Variants in TNPO3 observed in about 807,000 individuals in gnomAD.
The protein encoded by TNPO3 is transportin-3.
Under a neutral mutation model 122.8 loss-of-function variants are expected in TNPO3, and 65 were observed. That is an observed-to-expected ratio of 0.53 (90% CI 0.43 to 0.65). The LOEUF is 0.65. TNPO3 is among the 30% of genes least tolerant of loss of function. The pLI is 0.00. For missense variants in TNPO3, 850 were observed against 1,136.7 expected (o/e 0.75, Z 3.63); for synonymous variants, 372 against 411.2 (o/e 0.90, Z 1.15).
At position 128,992,080 on chromosome 7, in the gene TNPO3, G is replaced by A. The variant is rs1274683942; in HGVS notation, c.1277C>T (p.Thr426Ile). The change falls in exon 10 of 23, where the codon ACT becomes ATT. Residue 426 changes from threonine to isoleucine, a missense_variant. Thr to Ile is a moderately conservative substitution (Grantham distance 89, BLOSUM62 -1). Coordinates refer to ENST00000265388, the MANE Select transcript of TNPO3 (RefSeq NM_012470.4). ...SMECFAQLYS[T>I]LKEGNPPWEV... is the part of the protein sequence containing the mutation. Reference sequence around the variant, plus strand: ...CCAGGGTGGGTTGCCTTCTTTCAGAGTAGAATATAACTAGAGAAGAAGAGG... The same window carrying A: ...CCAGGGTGGGTTGCCTTCTTTCAGAATAGAATATAACTAGAGAAGAAGAGG... 1.3e-6 allele frequency: 2 copies of A among 1,596,984 alleles called. No individual in the cohort carries two copies. Among genetic ancestry groups the A allele is most frequent in the Non-Finnish European group, 1.7e-6 (2 of 1,169,034 alleles).
intron 1 of TNPO3, among the ~76,000 whole-genome samples, chr7:129,032,680 A>T (rs887800682): frequency 1.3e-5 from 2 of 152,244 alleles, no homozygotes; most frequent in Non-Finnish European, 2.9e-5. Flanking sequence ...TGAAAATTAC[A>T]AAACATTGCT....
chr7:129,028,665 C>A (rs1805551541), intron 1 of TNPO3, among the ~76,000 whole-genome samples: 1 of 152,200 alleles, frequency 6.6e-6, no homozygotes, highest in South Asian at 2.1e-4. Context: ...AAGTAAGGCA[C>A]TGACAGGCAC....
At chr7:129,035,050 G>A (rs974347666) in intron 1 of TNPO3, among the ~76,000 whole-genome samples, 31 of 151,988 alleles carry the variant, frequency 2.0e-4, no homozygotes, top group African/African-American at 4.8e-4. Flanking sequence ...AGAGGTGGGC[G>A]GATCATGAGG....
At chr7:129,029,911 C>T (rs1194427390) in intron 1 of TNPO3, 2 of 152,492 alleles carry the variant, frequency 1.3e-5, no homozygotes, top group African/African-American at 4.8e-5. Context: ...CCTGTAGTCC[C>T]AGCTACTCGG....
intron 1 of TNPO3, among the ~76,000 whole-genome samples, chr7:129,021,510 G>T (rs1388932869): frequency 2.0e-5 from 3 of 151,414 alleles, no homozygotes; most frequent in Non-Finnish European, 4.4e-5. Context: ...AAACTGCTAT[G>T]AAAAAAAACA....
chr7:128,968,808 T>A (rs995633703), intron 20 of TNPO3, among the ~76,000 whole-genome samples: 2 of 152,182 alleles, frequency 1.3e-5, no homozygotes, highest in African/African-American at 4.8e-5. Flanking sequence ...ACTCCTGGGC[T>A]TAAGCAATCC....
chr7:129,015,117 A>C lies in TNPO3; in HGVS notation c.414T>G (p.Thr138=). The change falls in exon 4 of 23, where the codon ACT becomes ACG. Residue 138 remains threonine, a synonymous_variant. Transcript: ENST00000265388. ...TLVEKYSNDV[T]SLPFLLEILT... Reference sequence around the variant, plus strand: ...GGATCTCCAGCAAAAAAGGCAAAGAAGTCACATCATTGCTGTATCTGCAAA... The same window carrying C: ...GGATCTCCAGCAAAAAAGGCAAAGACGTCACATCATTGCTGTATCTGCAAA... 6.2e-7 allele frequency: 1 copy of C among 1,610,994 alleles called. No homozygotes were observed. Among genetic ancestry groups the C allele is most frequent in the Non-Finnish European group, 8.5e-7 (1 of 1,179,398 alleles).
chr7:128,988,954 G>T (rs1483998108), intron 11 of TNPO3, among the ~76,000 whole-genome samples: 1 of 152,132 alleles, frequency 6.6e-6, no homozygotes, highest in Non-Finnish European at 1.5e-5. Context: ...GCATGCACTT[G>T]TAATCCCAGC....
intron 1 of TNPO3, among the ~76,000 whole-genome samples, chr7:129,045,548 C>CA (rs5887408): frequency 0.54 from 78,035 of 144,160 alleles, 21,387 homozygotes; most frequent in South Asian, 0.62. Flanking sequence ...TGTTTTGCCA[C>CA]AAAAAAAAAA....
chr7:129,037,389 A>G (rs1280907802), intron 1 of TNPO3, among the ~76,000 whole-genome samples: 5 of 152,220 alleles, frequency 3.3e-5, no homozygotes, highest in Non-Finnish European at 7.3e-5. Context: ...TGGCTCATCT[A>G]CGACAGGACA....
intron 1 of TNPO3, among the ~76,000 whole-genome samples, chr7:129,027,975 A>G (rs757459891): frequency 2.6e-5 from 4 of 152,238 alleles, no homozygotes; most frequent in Admixed American, 6.5e-5. Context: ...GACTGAAATC[A>G]TATAAAACAT....
chr7:128,974,971 A>G lies in TNPO3; in HGVS notation c.2179-9T>C. Reference sequence around the variant, plus strand: ...GTGGGGATGCACAGTGCCTAAAACAAAACAGTGATTTTAAAAGAAATGCTT... The same window carrying G: ...GTGGGGATGCACAGTGCCTAAAACAGAACAGTGATTTTAAAAGAAATGCTT... On this transcript the variant is annotated splice_polypyrimidine_tract_variant and intron_variant, in intron 17 of 22. Coordinates refer to ENST00000265388, the MANE Select transcript of TNPO3 (RefSeq NM_012470.4). 1 of 1,610,772 alleles carries G rather than the reference A, an allele frequency of 6.2e-7. No homozygotes were observed. Among genetic ancestry groups the G allele is most frequent in the East Asian group, 2.2e-5 (1 of 44,876 alleles).
Position 128,957,297 on chromosome 7 carries a change from T to G in TNPO3, c.2730A>C (p.Gln910His). The G allele has an allele frequency of 3.7e-6, 6 of 1,614,132 alleles. No individual in the cohort carries two copies. Among genetic ancestry groups the G allele is most frequent in the Non-Finnish European group, 5.1e-6 (6 of 1,179,986 alleles). ...KQVTSAEECK[Q>H]VCWALRDFTR... ...TGAAGTCTCGCAAGGCCCAGCAAAC[T>G]TGTTTACATTCCTCAGCACTAGAAA... Residue 910 changes from glutamine to histidine, a missense_variant, in exon 22 of 23, where the codon CAA becomes CAC. Physicochemically the swap from Gln to His is conservative, Grantham distance 24. Coordinates refer to ENST00000265388, the MANE Select transcript of TNPO3 (RefSeq NM_012470.4).
intron 10 of TNPO3, 59 bp from the exon 11 acceptor site, chr7:128,990,159 A>C: frequency 6.2e-7 from 1 of 1,602,138 alleles, no homozygotes; most frequent in Non-Finnish European, 8.6e-7. Context: ...TTCTGGCCAA[A>C]TAACAGGCTG....
intron 9 of TNPO3, 123 bp from the exon 10 acceptor site, chr7:128,992,213 G>A (rs1800819960): frequency 9.8e-6 from 5 of 509,796 alleles, no homozygotes; most frequent in Non-Finnish European, 1.7e-5. Flanking sequence ...TACCTCTCAA[G>A]CCAGATGAGA....
chr7:129,022,940 A>G (rs1804697867), intron 1 of TNPO3, among the ~76,000 whole-genome samples: 1 of 152,252 alleles, frequency 6.6e-6, no homozygotes. Context: ...ATAGTTTATT[A>G]CAACAATTAA....
intron 1 of TNPO3, among the ~76,000 whole-genome samples, chr7:129,024,406 T>G (rs1804875449): frequency 6.6e-6 from 1 of 152,202 alleles, no homozygotes; most frequent in South Asian, 2.1e-4. Flanking sequence ...GGATGCTGAT[T>G]TGAGCCCGCT....
intron 16 of TNPO3, 116 bp from the exon 17 acceptor site, chr7:128,976,051 A>G: frequency 1.4e-6 from 1 of 738,344 alleles, no homozygotes; most frequent in Admixed American, 2.0e-5. Context: ...TTAAGGCAAC[A>G]TAGTATAAAG....
intron 1 of TNPO3, among the ~76,000 whole-genome samples, chr7:129,050,254 A>G (rs1351298767): frequency 2.6e-5 from 4 of 151,434 alleles, no homozygotes; most frequent in Non-Finnish European, 4.4e-5. Flanking sequence ...CATGGTGGCA[A>G]GCACCTGTAG....
Sources: allele counts gnomAD v4.1 joint callset (sites outside exome capture counted in the v4.1 genomes callset), GRCh38; gene constraint gnomAD v4.1.1; transcripts MANE v1.5; gene names NCBI Gene and HGNC (gene_info 2026-07-23, HGNC 2026-07-21).